The following TOX variants were observed in gnomAD, a reference collection of about 807,000 sequenced individuals.
TOX encodes thymocyte selection-associated high mobility group box protein TOX.
Under a neutral mutation model 53.7 loss-of-function variants are expected in TOX, and 11 were observed. The ratio of observed to expected loss-of-function variants is 0.20; its 90% confidence interval spans 0.13 to 0.34. TOX has a LOEUF of 0.34. TOX is among the 10% of genes least tolerant of loss of function. TOX has a pLI of 1.00. For synonymous variants in TOX, 225 were observed against 245.3 expected (o/e 0.92, Z 0.77); for missense variants, 570 against 664.6 (o/e 0.86, Z 1.56).
chr8:59,000,316 T>C (rs1052818156), intron 1 of TOX, among the ~76,000 whole-genome samples: 2 of 152,182 alleles, frequency 1.3e-5, no homozygotes, highest in Non-Finnish European at 2.9e-5. Flanking sequence ...ATTGTGGCTA[T>C]GGTTATACAC....
intron 1 of TOX, among the ~76,000 whole-genome samples, chr8:59,011,297 C>G (rs1813899011): frequency 1.3e-5 from 2 of 152,196 alleles, no homozygotes; most frequent in South Asian, 4.1e-4. Flanking sequence ...TATTTCTACT[C>G]TATCTCCTAA....
chr8:58,850,561 G>C (rs1031118108), intron 4 of TOX, among the ~76,000 whole-genome samples: 5 of 152,190 alleles, frequency 3.3e-5, no homozygotes, highest in Non-Finnish European at 7.3e-5. Flanking sequence ...AGTTTTTAAA[G>C]GAGATGTTTT....
At chr8:59,044,630 C>A (rs550155392) in intron 1 of TOX, among the ~76,000 whole-genome samples, 4 of 152,180 alleles carry the variant, frequency 2.6e-5, no homozygotes, top group Admixed American at 2.6e-4. Context: ...ACCTAACATA[C>A]ATGATTTTAA....
intron 3 of TOX, among the ~76,000 whole-genome samples, chr8:58,872,314 T>C (rs1472746777): frequency 6.6e-6 from 1 of 152,090 alleles, no homozygotes; most frequent in East Asian, 1.9e-4. Context: ...TAAACACATA[T>C]GAAGGAGAAC....
chr8:59,014,051 G>A (rs961174285), intron 1 of TOX, among the ~76,000 whole-genome samples: 4 of 152,220 alleles, frequency 2.6e-5, no homozygotes, highest in African/African-American at 9.6e-5. Flanking sequence ...GGGACAGGGA[G>A]AGGAAATAGT....
At position 58,851,452 on chromosome 8, in the gene TOX, T is replaced by C; in HGVS notation, c.693+72A>G. The stretch of plus-strand genomic sequence containing the variant: ...GTTTCTCGCATGGATGATATAAACT[T>C]GTACCCAGCACAGGTCAAAGAAGGT... On this transcript the variant is annotated intron_variant, in intron 4 of 8. Transcript: ENST00000361421. This position sits in a 1 kb window ranked among gnomAD's most constrained non-coding sequence, Gnocchi z 4.4. 2 of 1,536,836 alleles carry C rather than the reference T, an allele frequency of 1.3e-6. No homozygotes were observed. Among genetic ancestry groups the C allele is most frequent in the Non-Finnish European group, 1.8e-6 (2 of 1,126,236 alleles).
intron 1 of TOX, among the ~76,000 whole-genome samples, chr8:58,983,743 C>T (rs576473285): frequency 1.3e-5 from 2 of 152,310 alleles, no homozygotes; most frequent in South Asian, 4.1e-4. Flanking sequence ...AAATAATCAC[C>T]TCCCTTTTGC....
intron 2 of TOX, among the ~76,000 whole-genome samples, chr8:58,955,373 G>A (rs566633796): frequency 6.6e-6 from 1 of 151,992 alleles, no homozygotes; most frequent in South Asian, 2.1e-4. Flanking sequence ...GAAGAAGGAA[G>A]AAAGGAATAA....
At chr8:58,869,557 T>C (rs1406720470) in intron 3 of TOX, among the ~76,000 whole-genome samples, 1 of 152,064 alleles carries the variant, frequency 6.6e-6, no homozygotes, top group African/African-American at 2.4e-5. Context: ...TACTCTAATA[T>C]TAAAACCAGA....
chr8:58,824,611 C>A (rs1258900013), intron 6 of TOX, among the ~76,000 whole-genome samples: 1 of 152,246 alleles, frequency 6.6e-6, no homozygotes, highest in Non-Finnish European at 1.5e-5. Context: ...CCCCCAGATC[C>A]AATGTCACCT....
chr8:59,039,695 C>T (rs1183944773), intron 1 of TOX, among the ~76,000 whole-genome samples: 1 of 152,130 alleles, frequency 6.6e-6, no homozygotes, highest in Non-Finnish European at 1.5e-5. Flanking sequence ...TCACTAATTT[C>T]CCCTTCAGGC....
chr8:59,021,481 A>AAATATATATAT (rs59174995), intron 1 of TOX, among the ~76,000 whole-genome samples: 20 of 64,728 alleles, frequency 3.1e-4, no homozygotes, highest in East Asian at 9.0e-4. Context: ...AAAAAAAAAA[A>AAATATATATAT]ATATATATAT....
intron 1 of TOX, among the ~76,000 whole-genome samples, chr8:59,017,657 T>C (rs1814040638): frequency 6.6e-6 from 1 of 152,220 alleles, no homozygotes; most frequent in Non-Finnish European, 1.5e-5. Context: ...ACGTTGAATA[T>C]GTGATAGACA....
rs2129165675 is a variant in TOX at position 58,824,949 on chromosome 8, T to C, written c.1005+1873A>G. Among the ~76,000 whole-genome samples the C allele has an allele frequency of 1.3e-5, 2 of 152,336 alleles. 1 individual carries two copies. Among genetic ancestry groups the C allele is most frequent in the South Asian group, 4.1e-4 (2 of 4,820 alleles). On this transcript the variant is annotated intron_variant, in intron 6 of 8. Transcript: ENST00000361421. ...TTATGGAATATATCATGTAGCATTTTCTGTTTGCCCCTTTAAATCTTTTAG... is the reference window on the plus strand; with the variant it reads ...TTATGGAATATATCATGTAGCATTTCCTGTTTGCCCCTTTAAATCTTTTAG...
chr8:58,945,216 TG>T (rs1277395030), intron 2 of TOX, among the ~76,000 whole-genome samples: 1 of 152,228 alleles, frequency 6.6e-6, no homozygotes, highest in Non-Finnish European at 1.5e-5. Flanking sequence ...TGAACCAGAA[TG>T]TCACTGTCTA....
At chr8:58,948,154 G>C (rs753699235) in intron 2 of TOX, among the ~76,000 whole-genome samples, 2 of 152,166 alleles carry the variant, frequency 1.3e-5, no homozygotes, top group South Asian at 2.1e-4. Context: ...CTGGGCTGGG[G>C]GACCCTGAGG....
intron 3 of TOX, among the ~76,000 whole-genome samples, chr8:58,932,653 C>A (rs572592026): frequency 2.0e-5 from 3 of 152,278 alleles, no homozygotes; most frequent in Admixed American, 6.5e-5. Flanking sequence ...GCTTTGAAAG[C>A]TGCATTATTC....
intron 2 of TOX, among the ~76,000 whole-genome samples, chr8:58,947,091 T>C (rs950267714): frequency 6.6e-6 from 1 of 152,156 alleles, no homozygotes; most frequent in Non-Finnish European, 1.5e-5. Flanking sequence ...TATTTGTCAA[T>C]TGTAAGCTTT....
At chr8:58,903,861 A>G (rs1811769475) in intron 3 of TOX, among the ~76,000 whole-genome samples, 1 of 152,196 alleles carries the variant, frequency 6.6e-6, no homozygotes. Flanking sequence ...TATCAGATCC[A>G]GAACTCTTAA....
Sources: allele counts gnomAD v4.1 joint callset (sites outside exome capture counted in the v4.1 genomes callset), GRCh38; gene constraint gnomAD v4.1.1; non-coding constraint Gnocchi (gnomAD v3.1); transcripts MANE v1.5; gene names NCBI Gene and HGNC (gene_info 2026-07-23, HGNC 2026-07-21).